Variants in IBTK observed in about 807,000 individuals in gnomAD.
IBTK encodes inhibitor of Bruton tyrosine kinase, also known as BTK-binding protein.
IBTK carries 83 observed loss-of-function variants against 154.9 expected under a neutral mutation model. That is an observed-to-expected ratio of 0.54 (90% CI 0.45 to 0.64). IBTK has a LOEUF of 0.64. Among genes scored for constraint, IBTK ranks in the 30% least tolerant of loss-of-function variants. The pLI is 0.00. For missense variants in IBTK, 1,332 were observed against 1,584.6 expected, an observed-to-expected ratio of 0.84 and a Z score of 2.71; for synonymous variants, 515 against 536.1, an observed-to-expected ratio of 0.96 and a Z score of 0.54.
chr6:82,240,976 A>ATC (rs1770926911), intron 1 of IBTK, 133 bp from the exon 2 acceptor site: 3 of 395,148 alleles, frequency 7.6e-6, no homozygotes, highest in Non-Finnish European at 1.3e-5. Context: ...TTACTGGAAC[A>ATC]CTAAGCTTAC....
chr6:82,215,263 CT>C (rs1229334502), intron 11 of IBTK, among the ~76,000 whole-genome samples: 2 of 152,104 alleles, frequency 1.3e-5, no homozygotes, highest in Admixed American at 6.6e-5. Context: ...GATGACCCTA[CT>C]TGCAGAATTT....
chr6:82,174,102 G>T (rs188271931), intron 26 of IBTK, among the ~76,000 whole-genome samples: 1 of 152,268 alleles, frequency 6.6e-6, no homozygotes, highest in Non-Finnish European at 1.5e-5. Context: ...GGTCCCTAGA[G>T]ATTATCTAGA....
At chr6:82,213,338 T>A (rs1582225276) in intron 12 of IBTK, among the ~76,000 whole-genome samples, 1 of 152,276 alleles carries the variant, frequency 6.6e-6, no homozygotes, top group East Asian at 1.9e-4. Context: ...CCCTTCATTA[T>A]TTTTAAACAG....
intron 5 of IBTK, among the ~76,000 whole-genome samples, chr6:82,226,879 T>TA: frequency 6.6e-6 from 1 of 152,322 alleles, no homozygotes; most frequent in South Asian, 2.1e-4. Flanking sequence ...GTGCTGGGAT[T>TA]ACAGGCGTGA....
intron 26 of IBTK, chr6:82,173,651 G>A: frequency 3.8e-6 from 1 of 266,554 alleles, no homozygotes; most frequent in Non-Finnish European, 6.4e-6. Flanking sequence ...GATACTGCAA[G>A]AAATAGCCTA....
At chr6:82,220,739 G>C (rs375931530) in intron 8 of IBTK, 26 bp from the exon 9 acceptor site, 1 of 1,498,178 alleles carries the variant, frequency 6.7e-7, no homozygotes, top group African/African-American at 1.4e-5. Context: ...AAAAATCCTA[G>C]ATTAATATGT....
In IBTK at chr6:82,243,197, T is replaced by C. The variant is rs1771020308; in HGVS notation, c.-357-2354A>G. 2.8e-5 allele frequency among the ~76,000 whole-genome samples: 4 copies of C among 144,484 alleles called. No homozygotes were observed. In the South Asian group the frequency reaches 6.5e-4, roughly 23 times the overall value. 94.8% of individuals were successfully genotyped at this position (144,484 alleles called of 152,430 possible). A position where few individuals can be genotyped will look rare whatever the true frequency, so the allele number is the denominator to read the frequency against. ...CGGAGCTTGCAGTGAGCCGAGATCG[T>C]GCCACTGCACTCCAGCCTGGGCGAC... On this transcript the variant is annotated intron_variant, in intron 1 of 28. Transcript: ENST00000306270.
intron 4 of IBTK, among the ~76,000 whole-genome samples, chr6:82,231,379 A>G (rs1315010347): frequency 6.6e-6 from 1 of 152,142 alleles, no homozygotes; most frequent in East Asian, 1.9e-4. Flanking sequence ...AATTCACTTG[A>G]GAAACAGCTT....
At chr6:82,212,323 T>C (rs1224442817) in intron 13 of IBTK, among the ~76,000 whole-genome samples, 8 of 152,164 alleles carry the variant, frequency 5.3e-5, no homozygotes, top group African/African-American at 1.2e-4. Context: ...TTTAGAATAG[T>C]ATATTTATTA....
rs536525367 is a variant in IBTK at position 82,206,822 on chromosome 6, A to G, written c.2510-1864T>C. Among the ~76,000 whole-genome samples the G allele has an allele frequency of 3.9e-5, 6 of 152,304 alleles. No homozygotes were observed. In the South Asian group the frequency reaches 1.2e-3, roughly 32 times the overall value. On this transcript the variant is annotated intron_variant, in intron 16 of 28. Transcript: ENST00000306270. ...ATCAATCAATATAATACACAAAAAT[A>G]AAGTATAATAAACACACGGCCATCT...
chr6:82,239,040 T>A (rs1770841309), intron 2 of IBTK, among the ~76,000 whole-genome samples: 1 of 151,756 alleles, frequency 6.6e-6, no homozygotes, highest in Non-Finnish European at 1.5e-5. Context: ...CCTGGCCTCA[T>A]CAGTTTCTTT....
At chr6:82,197,884 GA>G (rs1769059422) in intron 21 of IBTK, among the ~76,000 whole-genome samples, 1 of 152,120 alleles carries the variant, frequency 6.6e-6, no homozygotes, top group Non-Finnish European at 1.5e-5. Flanking sequence ...AACTGTCTTT[GA>G]TGAAATTGGC....
At chr6:82,244,548 T>C (rs1211131134) in intron 1 of IBTK, among the ~76,000 whole-genome samples, 1 of 152,164 alleles carries the variant, frequency 6.6e-6, no homozygotes, top group Admixed American at 6.5e-5. Context: ...TCTGAAATAA[T>C]CCTCAGTCCT....
At chr6:82,220,174 T>C (rs9294252) in intron 9 of IBTK, among the ~76,000 whole-genome samples, 36,320 of 152,084 alleles carry the variant, frequency 0.24, 4,402 homozygotes, top group African/African-American at 0.28. Flanking sequence ...CATGACACTG[T>C]ACTCTAGCCT....
intron 26 of IBTK, among the ~76,000 whole-genome samples, chr6:82,177,600 G>A (rs1461106310): frequency 6.6e-6 from 1 of 151,974 alleles, no homozygotes; most frequent in Non-Finnish European, 1.5e-5. Flanking sequence ...TTTTAGTAGA[G>A]ATAGGGTTTC....
intron 1 of IBTK, among the ~76,000 whole-genome samples, chr6:82,244,133 T>C (rs1771056878): frequency 1.3e-5 from 2 of 152,114 alleles, no homozygotes; most frequent in Admixed American, 6.6e-5. Context: ...GGACTTCACA[T>C]GGTTACTATA....
At chr6:82,202,395 AATC>A (rs1270220677) in intron 18 of IBTK, 130 bp downstream of exon 18, 2 of 638,514 alleles carry the variant, frequency 3.1e-6, no homozygotes, top group African/African-American at 1.9e-5. Context: ...ATAACTTCTA[AATC>A]ATCAGCATTG....
chr6:82,221,795 CTATT>C lies in IBTK; in HGVS notation c.1125-1086_1125-1083del, dbSNP rs546808193. Among the ~76,000 whole-genome samples the C allele has an allele frequency of 4.1e-3, 620 of 152,192 alleles. 7 individuals carry two copies. The highest frequency in any genetic ancestry group is 0.014 in the African/African-American group (591 of 41,536). ...TATCACCTCAAACTCAGGAAAAAAC[CTATT>C]TAGTCAGTTTTAAGAAACATATTCA... On this transcript the variant is annotated intron_variant, in intron 8 of 28. Transcript: ENST00000306270.
At chr6:82,174,836 A>G in intron 26 of IBTK, 3 of 382,758 alleles carry the variant, frequency 7.8e-6, no homozygotes, top group South Asian at 4.0e-5. Flanking sequence ...TAGCAGAGAG[A>G]TAACAAAAAT....
Sources: gnomAD v4.1 joint callset for allele counts (sites outside exome capture counted in the v4.1 genomes callset) on GRCh38, gnomAD v4.1.1 for gene constraint, MANE v1.5 for transcripts, NCBI Gene and HGNC (gene_info 2026-07-23, HGNC 2026-07-21) for gene names.